The following BCKDHB variants were observed in gnomAD, a reference collection of about 807,000 sequenced individuals.
BCKDHB encodes the protein 2-oxoisovalerate dehydrogenase subunit beta, mitochondrial.
A neutral mutation model predicts 48.5 loss-of-function variants in BCKDHB; 41 were observed. The ratio of observed to expected loss-of-function variants is 0.85; its 90% CI spans 0.66 to 1.10. The LOEUF is 1.10. BCKDHB is among the 50% of genes least tolerant of loss of function. BCKDHB has a pLI of 0.00. For missense variants in BCKDHB, 496 were observed against 494.2 expected (o/e 1.00, Z -0.03); for synonymous variants, 201 against 174.8 (o/e 1.15, Z -1.18).
intron 9 of BCKDHB, among the ~76,000 whole-genome samples, chr6:80,289,282 T>C (rs1438567494): frequency 1.3e-5 from 2 of 152,102 alleles, no homozygotes; most frequent in Non-Finnish European, 2.9e-5. Flanking sequence ...ATGAGTACTT[T>C]ACGGGTTATA....
At chr6:80,142,089 T>G (rs2127743173) in intron 3 of BCKDHB, among the ~76,000 whole-genome samples, 1 of 152,202 alleles carries the variant, frequency 6.6e-6, no homozygotes, top group South Asian at 2.1e-4. Flanking sequence ...TTCTTATGTA[T>G]TTGGAGTTGC....
intron 1 of BCKDHB, among the ~76,000 whole-genome samples, chr6:80,125,122 T>C (rs1770274807): frequency 6.6e-6 from 1 of 152,230 alleles, no homozygotes; most frequent in African/African-American, 2.4e-5. Flanking sequence ...TGAGATCTTC[T>C]GGATAATTTA....
chr6:80,163,074 C>T (rs565954123), intron 3 of BCKDHB, among the ~76,000 whole-genome samples: 42 of 152,068 alleles, frequency 2.8e-4, no homozygotes, highest in African/African-American at 9.4e-4. Flanking sequence ...AGGCACGTGC[C>T]ACCACACCCG....
the BCKDHB span, among the ~76,000 whole-genome samples, chr6:80,364,255 GGA>G: frequency 6.6e-6 from 1 of 152,152 alleles, no homozygotes; most frequent in Non-Finnish European, 1.5e-5. Context: ...AACCAACTGA[GGA>G]AGAGAACAGC....
chr6:80,297,669 A>G (rs1225287163), intron 9 of BCKDHB, among the ~76,000 whole-genome samples: 2 of 152,176 alleles, frequency 1.3e-5, no homozygotes, highest in Non-Finnish European at 2.9e-5. Flanking sequence ...CCAGCCTCCC[A>G]TGGGAATCTT....
chr6:80,321,990 G>A (rs1250107243), intron 9 of BCKDHB, among the ~76,000 whole-genome samples: 1 of 152,046 alleles, frequency 6.6e-6, no homozygotes, highest in Non-Finnish European at 1.5e-5. Context: ...CACAAGAGAA[G>A]CAATGATTAA....
chr6:80,415,186 T>C, the BCKDHB span, among the ~76,000 whole-genome samples: 3 of 152,214 alleles, frequency 2.0e-5, no homozygotes, highest in African/African-American at 7.2e-5. Context: ...GTTTTCTAGA[T>C]ATCAGGTCAT....
the BCKDHB span, among the ~76,000 whole-genome samples, chr6:80,392,146 C>G: frequency 6.6e-6 from 1 of 152,036 alleles, no homozygotes; most frequent in Non-Finnish European, 1.5e-5. Flanking sequence ...GTGTATGCCA[C>G]CACATCCAGC....
chr6:80,323,015 C>T (rs1224194138), intron 9 of BCKDHB, among the ~76,000 whole-genome samples: 1 of 150,210 alleles, frequency 6.7e-6, no homozygotes, highest in African/African-American at 2.5e-5. Context: ...AGAGCTCATG[C>T]TATGGAATTG....
intron 9 of BCKDHB, among the ~76,000 whole-genome samples, chr6:80,311,683 A>T (rs1386996071): frequency 6.6e-6 from 1 of 152,068 alleles, no homozygotes; most frequent in Non-Finnish European, 1.5e-5. Context: ...AAAACAGGGA[A>T]TTTTTTCTCC....
At chr6:80,416,770 TTTTA>T in the BCKDHB span, among the ~76,000 whole-genome samples, 725 of 120,280 alleles carry the variant, frequency 6.0e-3, 7 homozygotes, top group East Asian at 0.015. Context: ...TTATTTTTAT[TTTTA>T]TTTTTTTTAA....
the BCKDHB span, among the ~76,000 whole-genome samples, chr6:80,379,192 A>G: frequency 6.6e-6 from 1 of 152,130 alleles, no homozygotes; most frequent in African/African-American, 2.4e-5. Flanking sequence ...TATCCTCAAC[A>G]AAATATTATC....
At chr6:80,329,456 T>C (rs1267261308) in intron 9 of BCKDHB, among the ~76,000 whole-genome samples, 1 of 152,182 alleles carries the variant, frequency 6.6e-6, no homozygotes, top group African/African-American at 2.4e-5. Flanking sequence ...GCTTCCTAGC[T>C]ACCCCTGTAT....
At chr6:80,368,785 C>T in the BCKDHB span, among the ~76,000 whole-genome samples, 296 of 151,728 alleles carry the variant, frequency 2.0e-3, no homozygotes, top group Non-Finnish European at 2.8e-3. Flanking sequence ...CCGAGGCGGG[C>T]GGATCACTGG....
chr6:80,279,542 G>A (rs150807596), intron 9 of BCKDHB, among the ~76,000 whole-genome samples: 23 of 151,370 alleles, frequency 1.5e-4, no homozygotes, highest in Non-Finnish European at 2.7e-4. Context: ...ATCAAATTTC[G>A]TCCATTGTCT....
At chr6:80,318,887 T>A (rs1400244819) in intron 9 of BCKDHB, among the ~76,000 whole-genome samples, 4 of 152,182 alleles carry the variant, frequency 2.6e-5, no homozygotes, top group African/African-American at 9.7e-5. Context: ...TACACTATTT[T>A]ATAAAAGGGA....
At chr6:80,372,704 G>T in the BCKDHB span, among the ~76,000 whole-genome samples, 1 of 152,086 alleles carries the variant, frequency 6.6e-6, no homozygotes, top group East Asian at 1.9e-4. Context: ...CTATTGAGAT[G>T]ATCATGTGAT....
At chr6:80,125,805 C>G (rs1770313090) in intron 1 of BCKDHB, among the ~76,000 whole-genome samples, 1 of 152,056 alleles carries the variant, frequency 6.6e-6, no homozygotes, top group African/African-American at 2.4e-5. Context: ...ACACTATAAC[C>G]TCAAAGATCA....
chr6:80,442,668 C>A, the BCKDHB span, among the ~76,000 whole-genome samples: 1 of 152,102 alleles, frequency 6.6e-6, no homozygotes, highest in Admixed American at 6.5e-5. Flanking sequence ...AAGAAGATAT[C>A]AGAGTCCCCT....
Sources: gnomAD v4.1 joint callset for allele counts (sites outside exome capture counted in the v4.1 genomes callset) on GRCh38, gnomAD v4.1.1 for gene constraint, MANE v1.5 for transcripts, NCBI Gene and HGNC (gene_info 2026-07-23, HGNC 2026-07-21) for gene names.